The following BOC variants were observed in gnomAD, a reference collection of about 807,000 sequenced individuals.
The protein encoded by BOC is BOC cell adhesion associated, oncogene regulated, also known as brother of CDO.
In BOC, 76 loss-of-function variants were observed where a neutral mutation model predicts 112.0. That is an observed-to-expected ratio of 0.68 (90% CI 0.56 to 0.82). BOC has a LOEUF of 0.82. Ranked by LOEUF, BOC falls within the 40% of genes least tolerant of loss-of-function variation. The probability of loss-of-function intolerance (pLI) is 0.00; values close to 1 mark genes in which losing one functional copy is unlikely to be tolerated. For missense variants in BOC, 1,309 were observed against 1,511.7 expected, an observed-to-expected ratio of 0.87 and a Z score of 2.22; for synonymous variants, 580 against 599.8, an observed-to-expected ratio of 0.97 and a Z score of 0.48.
chr3:113,276,153 C>G (rs553385110), intron 9 of BOC, among the ~76,000 whole-genome samples: 2 of 152,210 alleles, frequency 1.3e-5, no homozygotes, highest in Non-Finnish European at 2.9e-5. Flanking sequence ...GCAGGCCAAA[C>G]GCCCATGGTT....
chr3:113,248,805 G>C (rs1177940436), intron 2 of BOC, among the ~76,000 whole-genome samples: 1 of 152,172 alleles, frequency 6.6e-6, no homozygotes, highest in South Asian at 2.1e-4. Context: ...GGCAGAGAGG[G>C]TGACTGATAG....
chr3:113,286,401 C>G (rs549445591), intron 19 of BOC, among the ~76,000 whole-genome samples: 73 of 152,334 alleles, frequency 4.8e-4, no homozygotes, highest in African/African-American at 1.6e-3. Flanking sequence ...GTTTCACGGG[C>G]TGCACTGACT....
intron 15 of BOC, among the ~76,000 whole-genome samples, chr3:113,282,480 C>G (rs11923623): frequency 6.6e-6 from 1 of 152,062 alleles, no homozygotes; most frequent in East Asian, 1.9e-4. Context: ...GAAATGGCAA[C>G]GGCAAGAAGA....
intron 2 of BOC, among the ~76,000 whole-genome samples, chr3:113,248,950 C>T (rs1945276399): frequency 6.6e-6 from 1 of 152,008 alleles, no homozygotes; most frequent in African/African-American, 2.4e-5. Context: ...AATTTTCTAG[C>T]ACCGGGAGCA....
rs539414373 is a variant in BOC, at chr3:113,254,981, G to A, written c.376+4148G>A. ...TCAAATCAACTGAAGAGTCTCACCT[G>A]CACTCTCTCCCTCCCTCCACCCCAG... is the stretch of plus-strand genomic sequence containing the variant. On this transcript the variant is annotated intron_variant, in intron 4 of 19. Transcript: ENST00000682979. Among the ~76,000 whole-genome samples the A allele has an allele frequency of 2.0e-5, 3 of 152,236 alleles. No individual in the cohort carries two copies. The East Asian group carries it at 5.8e-4, about 29-fold the overall frequency.
intron 2 of BOC, among the ~76,000 whole-genome samples, chr3:113,230,309 G>C (rs1942402970): frequency 6.6e-6 from 1 of 152,230 alleles, no homozygotes; most frequent in Non-Finnish European, 1.5e-5. Flanking sequence ...AGTACATTGT[G>C]AGAATCTGCC....
intron 4 of BOC, among the ~76,000 whole-genome samples, chr3:113,255,822 A>T (rs1269799023): frequency 1.3e-5 from 2 of 152,234 alleles, no homozygotes; most frequent in Non-Finnish European, 2.9e-5. Flanking sequence ...GTCCAAAGTG[A>T]CCAGGGGCCC....
intron 4 of BOC, among the ~76,000 whole-genome samples, chr3:113,259,309 G>T (rs1036015606): frequency 6.6e-6 from 1 of 152,106 alleles, no homozygotes; most frequent in African/African-American, 2.4e-5. Context: ...TACAATACTG[G>T]GTTCATTTTC....
intron 4 of BOC, chr3:113,261,891 G>T (rs1946919705): frequency 1.3e-5 from 2 of 151,740 alleles, no homozygotes; most frequent in Non-Finnish European, 2.9e-5. Context: ...GCTCAAATCT[G>T]GGTGTAAATC....
chr3:113,221,464 A>C (rs6768358), intron 2 of BOC, among the ~76,000 whole-genome samples: 1,850 of 152,274 alleles, frequency 0.012, 20 homozygotes, highest in Middle Eastern at 0.031. Flanking sequence ...TAAACCCCCC[A>C]TGCCTTCCCC....
intron 13 of BOC, 92 bp downstream of exon 13, chr3:113,280,097 G>T (rs1027428735): frequency 1.5e-6 from 2 of 1,295,934 alleles, no homozygotes; most frequent in Non-Finnish European, 2.1e-6. Flanking sequence ...CCCGAACAGG[G>T]CACCTGAAAG....
chr3:113,214,450 G>A (rs1347019915), intron 1 of BOC, among the ~76,000 whole-genome samples: 1 of 152,152 alleles, frequency 6.6e-6, no homozygotes, highest in Admixed American at 6.5e-5. Context: ...TCCCCTAGGG[G>A]GTCTGGGTTC....
At chr3:113,245,668 T>G (rs1944829742) in intron 2 of BOC, among the ~76,000 whole-genome samples, 1 of 152,172 alleles carries the variant, frequency 6.6e-6, no homozygotes, top group Non-Finnish European at 1.5e-5. Context: ...GGAGCAGGAT[T>G]TTTTTCTTTT....
At position 113,274,039 on chromosome 3, in the gene BOC, C is replaced by T. The variant is rs921924202; in HGVS notation, c.1235-336C>T. 1.3e-5 allele frequency among the ~76,000 whole-genome samples: 2 copies of T among 152,186 alleles called. No individual in the cohort carries two copies. Among genetic ancestry groups the T allele is most frequent in the Non-Finnish European group, 2.9e-5 (2 of 68,034 alleles). ...GACATGTCCCCACCTCCAGCCTAGA[C>T]CGAGAAGGAAGGCGCAGGGTTCCTG... On this transcript the variant is annotated intron_variant, in intron 8 of 19. Coordinates refer to ENST00000682979, the MANE Select transcript of BOC (RefSeq NM_001378074.1). The surrounding 1 kb of genome is among the most constrained non-coding windows in gnomAD (Gnocchi z 4.8).
At chr3:113,219,813 G>A (rs1444912821) in intron 2 of BOC, among the ~76,000 whole-genome samples, 1 of 152,168 alleles carries the variant, frequency 6.6e-6, no homozygotes, top group African/African-American at 2.4e-5. Context: ...CAATGGCTTT[G>A]TGGCATAGCT....
At chr3:113,223,429 A>G (rs1035988216) in intron 2 of BOC, among the ~76,000 whole-genome samples, 1 of 152,148 alleles carries the variant, frequency 6.6e-6, no homozygotes, top group Non-Finnish European at 1.5e-5. Flanking sequence ...GTTCCCATTG[A>G]TGAGCCAATA....
intron 2 of BOC, among the ~76,000 whole-genome samples, chr3:113,228,705 C>T (rs943724371): frequency 6.6e-6 from 1 of 152,150 alleles, no homozygotes; most frequent in African/African-American, 2.4e-5. Context: ...TCCAGCTGCT[C>T]TGAGCTCCTC....
At position 113,280,645 on chromosome 3, in the gene BOC, A is replaced by C; in HGVS notation, c.2293A>C (p.Lys765Gln). Residue 765 changes from lysine to glutamine, a missense_variant, in exon 14 of 20, where the codon AAG (lysine) becomes CAG (glutamine). Physicochemically the swap from Lys to Gln is moderately conservative, Grantham distance 53. Coordinates refer to ENST00000682979, the MANE Select transcript of BOC (RefSeq NM_001378074.1). ...AGACAGTGACAATGATAGTGACTAC[A>C]AGAAGGATATGGTGGAAGGTGAGAC... Reference protein sequence around the residue: ...PTDSDNDSDYKKDMVEGDKYW... With the variant: ...PTDSDNDSDYQKDMVEGDKYW... The C allele has an allele frequency of 6.2e-7, 1 of 1,606,126 alleles. No homozygotes were observed. The highest frequency in any genetic ancestry group is 8.5e-7 in the Non-Finnish European group (1 of 1,172,716).
chr3:113,224,265 T>C (rs1040072730), intron 2 of BOC, among the ~76,000 whole-genome samples: 26 of 152,312 alleles, frequency 1.7e-4, no homozygotes, highest in African/African-American at 6.3e-4. Flanking sequence ...CTGAGAATGA[T>C]TGAGGGACCT....
Sources: gnomAD v4.1 joint callset for allele counts (sites outside exome capture counted in the v4.1 genomes callset) on GRCh38, gnomAD v4.1.1 for gene constraint, Gnocchi (gnomAD v3.1) non-coding constraint, MANE v1.5 for transcripts, NCBI Gene and HGNC (gene_info 2026-07-23, HGNC 2026-07-21) for gene names.